The following NCOA1 variants were observed in gnomAD, a reference collection of about 807,000 sequenced individuals.
NCOA1 encodes Hin-2 protein.
A neutral mutation model predicts 150.9 loss-of-function variants in NCOA1; 35 were observed. That is an observed-to-expected ratio of 0.23 (90% CI 0.18 to 0.31). The LOEUF (loss-of-function observed/expected upper bound fraction) is 0.31, where lower values mean the gene tolerates loss of function less well. Ranked by LOEUF, NCOA1 falls within the 10% of genes least tolerant of loss-of-function variation. NCOA1 has a pLI of 1.00. For missense variants in NCOA1, 1,491 were observed against 1,749.3 expected (o/e 0.85, Z 2.63); for synonymous variants, 590 against 630.0 (o/e 0.94, Z 0.95).
At chr2:24,498,903 G>A (rs2148069267) in intron 1 of NCOA1, among the ~76,000 whole-genome samples, 2 of 151,770 alleles carry the variant, frequency 1.3e-5, no homozygotes, top group Middle Eastern at 6.8e-3. Flanking sequence ...CCCACATTGG[G>A]AACTTATTCA....
chr2:24,505,782 T>G (rs1039431656), intron 1 of NCOA1, among the ~76,000 whole-genome samples: 1 of 152,194 alleles, frequency 6.6e-6, no homozygotes, highest in African/African-American at 2.4e-5. Context: ...GGCCGTGTGA[T>G]GACCTGAGCA....
intron 1 of NCOA1, among the ~76,000 whole-genome samples, chr2:24,509,584 A>G (rs1309284802): frequency 1.3e-5 from 2 of 152,158 alleles, no homozygotes; most frequent in Non-Finnish European, 2.9e-5. Context: ...TTCTATTACT[A>G]TTGCTGTTGA....
At chr2:24,585,408 C>G (rs1452250688) in intron 3 of NCOA1, among the ~76,000 whole-genome samples, 1 of 151,926 alleles carries the variant, frequency 6.6e-6, no homozygotes, top group African/African-American at 2.4e-5. Context: ...GTATTCAGAT[C>G]TACTTTTTCC....
chr2:24,590,409 T>G (rs1347615796), intron 3 of NCOA1, among the ~76,000 whole-genome samples: 1 of 152,198 alleles, frequency 6.6e-6, no homozygotes, highest in East Asian at 1.9e-4. Context: ...ATTATAGTTA[T>G]TTGATTTGTA....
intron 1 of NCOA1, among the ~76,000 whole-genome samples, chr2:24,563,338 G>T (rs947084651): frequency 6.6e-6 from 1 of 152,164 alleles, no homozygotes; most frequent in Admixed American, 6.5e-5. Flanking sequence ...AGTGATAGGC[G>T]TAGGAGTCAC....
intron 2 of NCOA1, among the ~76,000 whole-genome samples, chr2:24,565,687 C>G (rs995848331): frequency 2.0e-5 from 3 of 152,328 alleles, no homozygotes; most frequent in African/African-American, 4.8e-5. Context: ...GCTCACACTA[C>G]TGGCCTGGAT....
chr2:24,547,699 G>T (rs1490722330), intron 1 of NCOA1, among the ~76,000 whole-genome samples: 4 of 151,942 alleles, frequency 2.6e-5, no homozygotes, highest in Non-Finnish European at 5.9e-5. Flanking sequence ...TAAAAAAAAG[G>T]ATGAGGGAGC....
At chr2:24,730,472 G>T (rs1662947197) in intron 17 of NCOA1, among the ~76,000 whole-genome samples, 1 of 152,134 alleles carries the variant, frequency 6.6e-6, no homozygotes, top group Non-Finnish European at 1.5e-5. Flanking sequence ...TTACAAAGTA[G>T]AGCATCAAGA....
At chr2:24,571,037 A>T (rs1245606402) in intron 2 of NCOA1, among the ~76,000 whole-genome samples, 2 of 152,214 alleles carry the variant, frequency 1.3e-5, no homozygotes, top group Non-Finnish European at 1.5e-5. Context: ...GTATGTAGTT[A>T]TGTATTTTTT....
In NCOA1 at chr2:24,701,688, T is replaced by A. The variant is rs975847905; in HGVS notation, c.950-3398T>A. Among the ~76,000 whole-genome samples, 21 of 152,338 alleles carry A rather than the reference T, an allele frequency of 1.4e-4. No individual in the cohort carries two copies. The East Asian group carries it at 3.9e-3, about 28-fold the overall frequency. ...TGTTCATCTCTCTATTAACTTTATA[T>A]TAAAATAAAGCCATTTTCATCTTTT... On this transcript the variant is annotated intron_variant, in intron 11 of 22. Transcript: ENST00000348332.
At chr2:24,637,504 T>C (rs1029553261) in intron 3 of NCOA1, among the ~76,000 whole-genome samples, 1 of 151,644 alleles carries the variant, frequency 6.6e-6, no homozygotes, top group African/African-American at 2.4e-5. Context: ...TGGAATACTA[T>C]GCAGCCATAA....
rs772493051 is a variant in NCOA1 at position 24,739,439 on chromosome 2, A to G, written c.3209A>G (p.His1070Arg). The change falls in exon 18 of 23, where the codon CAC becomes CGC. Residue 1070 changes from histidine (H) to arginine (R), a missense_variant. Transcript: ENST00000348332. ...GTTTCCATTTTTCTCTAGTTGATACACCAAAATCGGCAAGCTATCTTAAAC... is the reference window on the plus strand; with the variant it reads ...GTTTCCATTTTTCTCTAGTTGATACGCCAAAATCGGCAAGCTATCTTAAAC... ...QRLQGQQQLI[H>R]QNRQAILNQF... 1 of 1,613,106 alleles carries G rather than the reference A, an allele frequency of 6.2e-7. No homozygotes were observed. Among genetic ancestry groups the G allele is most frequent in the Non-Finnish European group, 8.5e-7 (1 of 1,179,152 alleles).
chr2:24,499,530 CT>C (rs576933914), intron 1 of NCOA1, among the ~76,000 whole-genome samples: 9 of 148,994 alleles, frequency 6.0e-5, no homozygotes, highest in South Asian at 2.1e-4. Context: ...ATACCATTGA[CT>C]TTTTTTTTTA....
At chr2:24,747,256 A>G (rs1195439917) in intron 19 of NCOA1, among the ~76,000 whole-genome samples, 1 of 150,038 alleles carries the variant, frequency 6.7e-6, no homozygotes, top group Non-Finnish European at 1.5e-5. Context: ...TTTACTGTTG[A>G]CCCCACAAAG....
chr2:24,578,265 G>GA (rs1667066541), intron 2 of NCOA1, among the ~76,000 whole-genome samples: 1 of 152,096 alleles, frequency 6.6e-6, no homozygotes, highest in Non-Finnish European at 1.5e-5. Context: ...TGGCAGTTAG[G>GA]AAAGTTCATG....
At chr2:24,591,194 A>G (rs1000108960) in intron 3 of NCOA1, among the ~76,000 whole-genome samples, 1 of 152,226 alleles carries the variant, frequency 6.6e-6, no homozygotes, top group Non-Finnish European at 1.5e-5. Context: ...TGAAATGAGC[A>G]AGAAATAATT....
At chr2:24,706,395 T>C (rs1420732559) in intron 12 of NCOA1, among the ~76,000 whole-genome samples, 173 bp from the exon 13 acceptor site, 1 of 152,102 alleles carries the variant, frequency 6.6e-6, no homozygotes, top group African/African-American at 2.4e-5. Flanking sequence ...TTTACAGTAG[T>C]TTTTTCTTAA....
At chr2:24,572,333 A>G (rs1666773891) in intron 2 of NCOA1, among the ~76,000 whole-genome samples, 1 of 152,128 alleles carries the variant, frequency 6.6e-6, no homozygotes, top group South Asian at 2.1e-4. Context: ...GAGAAAGATT[A>G]CTGACTTGAG....
chr2:24,514,321 A>AG (rs1491092185), intron 1 of NCOA1, among the ~76,000 whole-genome samples: 1 of 151,090 alleles, frequency 6.6e-6, no homozygotes, highest in African/African-American at 2.4e-5. Flanking sequence ...AAAAACAAAA[A>AG]GAAAAAAAGA....
Sources: allele counts gnomAD v4.1 joint callset (sites outside exome capture counted in the v4.1 genomes callset), GRCh38; gene constraint gnomAD v4.1.1; transcripts MANE v1.5; gene names NCBI Gene and HGNC (gene_info 2026-07-23, HGNC 2026-07-21).